LRRC31: variants seen among roughly 807,000 people sequenced by gnomAD.
The protein encoded by LRRC31 is leucine rich repeat containing 31.
A neutral mutation model predicts 46.7 loss-of-function variants in LRRC31; 35 were observed. That is an observed-to-expected ratio of 0.75 (90% CI 0.57 to 0.99). LRRC31 has a LOEUF of 0.99. Among genes scored for constraint, LRRC31 ranks in the 50% least tolerant of loss-of-function variants. The probability of loss-of-function intolerance (pLI) is 0.00; values close to 1 mark genes in which losing one functional copy is unlikely to be tolerated. For missense variants in LRRC31, 613 were observed against 626.1 expected (o/e 0.98, Z 0.22); for synonymous variants, 236 against 235.1 (o/e 1.00, Z -0.03).
intron 8 of LRRC31, among the ~76,000 whole-genome samples, chr3:169,844,930 C>CAAAAAAA (rs59099192): frequency 2.0e-5 from 2 of 99,588 alleles, no homozygotes; most frequent in African/African-American, 3.6e-5. Flanking sequence ...GACTCCATCT[C>CAAAAAAA]AAAAAAAAAA....
At position 169,840,167 on chromosome 3, in the gene LRRC31, G is replaced by T. The variant is rs764833240; in HGVS notation, c.1474C>A (p.Pro492Thr). ...TGTCCACAATCTCGAAAATTTGATG[G>T]TCGAAGGCTAATATCCAGCTCGATT... The part of the protein sequence containing the change: ...ELIELDISLR[P>T]SNFRDCGQWF... The change falls in exon 9 of 9, where the codon CCA (proline) becomes ACA (threonine). Residue 492 changes from proline (P) to threonine (T), a missense_variant. Pro to Thr is a conservative substitution (Grantham distance 38). Coordinates refer to ENST00000316428, the MANE Select transcript of LRRC31 (RefSeq NM_024727.4). 6.2e-7 allele frequency: 1 copy of T among 1,613,986 alleles called. No individual in the cohort carries two copies. Among genetic ancestry groups the T allele is most frequent in the Non-Finnish European group, 8.5e-7 (1 of 1,180,028 alleles).
chr3:169,856,800 A>C lies in LRRC31; in HGVS notation c.560T>G (p.Leu187Trp). Residue 187 changes from leucine (L) to tryptophan (W), a missense_variant, in exon 4 of 9, where the codon TTG (leucine) becomes TGG (tryptophan). By Grantham distance (61) the Leu-to-Trp change is moderately conservative. Transcript: ENST00000316428. ...TTGGAACTTCTGAAGGATCAGAGGC[A>C]AATTTCCTCCCACTTTACTGTTCCA... ...LSWNSKVGGNLPLILQKFQKG... is the reference protein window; with the variant it reads ...LSWNSKVGGNWPLILQKFQKG... 1 of 1,609,174 alleles carries C rather than the reference A, an allele frequency of 6.2e-7. No individual in the cohort carries two copies. Among genetic ancestry groups the C allele is most frequent in the Admixed American group, 1.7e-5 (1 of 59,378 alleles).
intron 7 of LRRC31, among the ~76,000 whole-genome samples, chr3:169,848,682 C>T (rs754849710): frequency 2.2e-4 from 33 of 152,192 alleles, no homozygotes; most frequent in African/African-American, 7.5e-4. Context: ...TGGTCTCGAT[C>T]TCCTGACTCA....
Position 169,869,843 on chromosome 3 carries a change from C to A in LRRC31, c.-36G>T. The A allele has an allele frequency of 6.6e-7, 1 of 1,519,820 alleles. No homozygotes were observed. 94.1% of individuals were successfully genotyped at this position (1,519,820 alleles called of 1,614,324 possible). A position where few individuals can be genotyped will look rare whatever the true frequency, so the allele number is the denominator to read the frequency against. ...ATGGGGGTAGTTCCCAATAAGACAT[C>A]TTCCTGTTGCTTTCTGTTTTCTAGG... On this transcript the variant is annotated 5_prime_UTR_variant, in exon 1 of 9. Coordinates refer to ENST00000316428, the MANE Select transcript of LRRC31 (RefSeq NM_024727.4).
At chr3:169,868,210 A>G (rs1781387888) in intron 1 of LRRC31, among the ~76,000 whole-genome samples, 1 of 152,142 alleles carries the variant, frequency 6.6e-6, no homozygotes, top group African/African-American at 2.4e-5. Context: ...CTGCTTTAGC[A>G]TCCCTGACTT....
intron 7 of LRRC31, among the ~76,000 whole-genome samples, chr3:169,849,949 G>A (rs1002510282): frequency 6.6e-6 from 1 of 152,142 alleles, no homozygotes; most frequent in African/African-American, 2.4e-5. Flanking sequence ...GCCTTTACAG[G>A]GATAGCAGCA....
intron 8 of LRRC31, among the ~76,000 whole-genome samples, chr3:169,841,561 C>T (rs1780449982): frequency 6.6e-6 from 1 of 152,148 alleles, no homozygotes; most frequent in Non-Finnish European, 1.5e-5. Flanking sequence ...TTCTCAAGAC[C>T]TAACTGTTAA....
At chr3:169,841,520 C>T (rs1026373312) in intron 8 of LRRC31, among the ~76,000 whole-genome samples, 4 of 152,186 alleles carry the variant, frequency 2.6e-5, no homozygotes, top group East Asian at 1.9e-4. Flanking sequence ...GTGTGTGTCT[C>T]CCTTCCTGTC....
At chr3:169,854,200 A>G (rs897485838) in intron 6 of LRRC31, among the ~76,000 whole-genome samples, 7 of 152,208 alleles carry the variant, frequency 4.6e-5, no homozygotes, top group Non-Finnish European at 8.8e-5. Flanking sequence ...ATGGTGAGCC[A>G]TGGTCAGATG....
In LRRC31 at chr3:169,854,849, G is replaced by A. The variant is rs746991376; in HGVS notation, c.955C>T (p.Gln319Ter). ...ACGTCATCTGCTGTTAGTGAGCACT[G>A]GTGAAGATCTAGGACTTGTAGATGC... ...LKHLQVLDLH[Q>*]CSLTADDVMS... Residue 319 changes from glutamine to a stop codon, truncating the protein, a stop_gained, in exon 6 of 9, where the codon CAG becomes TAG. Coordinates refer to ENST00000316428, the MANE Select transcript of LRRC31 (RefSeq NM_024727.4). LOFTEE classifies it high-confidence loss of function. The A allele has an allele frequency of 4.9e-5, 79 of 1,613,632 alleles. No individual in the cohort carries two copies. The highest frequency in any genetic ancestry group is 6.6e-5 in the Non-Finnish European group (78 of 1,179,788).
chr3:169,860,503 C>T lies in LRRC31; in HGVS notation c.487+58G>A, dbSNP rs546721194. 38 of 1,571,374 alleles carry T rather than the reference C, an allele frequency of 2.4e-5. No individual in the cohort carries two copies. The African/African-American group carries it at 3.8e-4, about 16-fold the overall frequency. ...TCAGCCTCCCAAAGTGTTAGGATTA[C>T]AGCTGTGAGCCACGGCGCCCGGCCG... is the stretch of plus-strand genomic sequence containing the variant. On this transcript the variant is annotated intron_variant, in intron 3 of 8. Coordinates refer to ENST00000316428, the MANE Select transcript of LRRC31 (RefSeq NM_024727.4).
chr3:169,861,879 A>G (rs1484682810), intron 1 of LRRC31, 66 bp from the exon 2 acceptor site: 1 of 1,490,304 alleles, frequency 6.7e-7, no homozygotes, highest in African/African-American at 1.4e-5. Context: ...CATAATGACC[A>G]CAATCAGACA....
rs576378723 is a variant in LRRC31 at position 169,851,909 on chromosome 3, C to T, written c.992-123G>A. ...ACAGCTCTCCCCACCCCGGCCCTCC[C>T]TCCTTTATACACCCCAAACCAGCCT... On this transcript the variant is annotated intron_variant, in intron 6 of 8. Coordinates refer to ENST00000316428, the MANE Select transcript of LRRC31 (RefSeq NM_024727.4). 2.2e-5 allele frequency: 20 copies of T among 898,314 alleles called. No homozygotes were observed. The South Asian group carries it at 2.3e-4, about 10-fold the overall frequency. 55.6% of individuals were successfully genotyped at this position (898,314 alleles called of 1,614,324 possible). A position where few individuals can be genotyped will look rare whatever the true frequency, so the allele number is the denominator to read the frequency against.
At chr3:169,868,253 C>G (rs920004128) in intron 1 of LRRC31, among the ~76,000 whole-genome samples, 1 of 152,296 alleles carries the variant, frequency 6.6e-6, no homozygotes, top group East Asian at 1.9e-4. Context: ...TAGGCTCAGT[C>G]GTATCTAAAG....
At chr3:169,853,306 A>G (rs1780845615) in intron 6 of LRRC31, 1 of 985,254 alleles carries the variant, frequency 1.0e-6, no homozygotes, top group Non-Finnish European at 1.2e-6. Flanking sequence ...TTAACAGCGT[A>G]AAGTACAAAG....
intron 3 of LRRC31, among the ~76,000 whole-genome samples, chr3:169,857,317 CCTATAT>C (rs202167778): frequency 0.04 from 2,190 of 55,370 alleles, 99 homozygotes; most frequent in African/African-American, 0.14. Flanking sequence ...ATATCACATG[CCTATAT>C]ATATATATAT....
intron 1 of LRRC31, among the ~76,000 whole-genome samples, chr3:169,863,090 G>T (rs1367470419): frequency 6.6e-6 from 1 of 151,790 alleles, no homozygotes; most frequent in Non-Finnish European, 1.5e-5. Context: ...CGCCATGTTG[G>T]CCAGGCTGGT....
At chr3:169,843,151 G>T (rs1453081287) in intron 8 of LRRC31, among the ~76,000 whole-genome samples, 1 of 152,166 alleles carries the variant, frequency 6.6e-6, no homozygotes, top group East Asian at 1.9e-4. Context: ...CCTACTGCTG[G>T]CAGAAGAGGA....
At position 169,839,476 on chromosome 3, in the gene LRRC31, G is replaced by A. The variant is rs1219621433; in HGVS notation, c.*506C>T. ...CTACATTAAGATACATATAGTAATA[G>A]TAATGATACATGAAACTATTAGACA... On this transcript the variant is annotated 3_prime_UTR_variant, in exon 9 of 9. Coordinates refer to ENST00000316428, the MANE Select transcript of LRRC31 (RefSeq NM_024727.4). The A allele has an allele frequency of 6.6e-6, 1 of 151,970 alleles. No homozygotes were observed. The highest frequency in any genetic ancestry group is 6.6e-5 in the Admixed American group (1 of 15,236). 9.4% of individuals were successfully genotyped at this position (151,970 alleles called of 1,614,324 possible). A position where few individuals can be genotyped will look rare whatever the true frequency, so the allele number is the denominator to read the frequency against.
Sources: allele counts gnomAD v4.1 joint callset (sites outside exome capture counted in the v4.1 genomes callset), GRCh38; gene constraint gnomAD v4.1.1; transcripts MANE v1.5; gene names NCBI Gene and HGNC (gene_info 2026-07-23, HGNC 2026-07-21).